CUL5: variants seen among roughly 807,000 people sequenced by gnomAD.
CUL5 encodes cullin 5, also known as cullin-5.
Under a neutral mutation model 108.8 loss-of-function variants are expected in CUL5, and 26 were observed. The observed-to-expected ratio is 0.24, with a 90% CI of 0.18 to 0.33. The LOEUF is 0.33. Among genes scored for constraint, CUL5 ranks in the 10% least tolerant of loss-of-function variants. The pLI is 1.00. For synonymous variants in CUL5, 334 were observed against 298.0 expected (o/e 1.12, Z -1.25); for missense variants, 524 against 909.2 (o/e 0.58, Z 5.45).
chr11:108,011,175 G>C (rs7118566), intron 1 of CUL5, among the ~76,000 whole-genome samples: 148,590 of 152,306 alleles, frequency 0.98, 72,561 homozygotes, highest in Middle Eastern at 1. Context: ...TTTTTCTCCC[G>C]AAAAATAACT....
chr11:108,021,458 A>C (rs548809495), intron 1 of CUL5, among the ~76,000 whole-genome samples: 1 of 152,212 alleles, frequency 6.6e-6, no homozygotes, highest in African/African-American at 2.4e-5. Context: ...ATAATAACAA[A>C]TTCTTTGTTT....
intron 11 of CUL5, among the ~76,000 whole-genome samples, chr11:108,083,648 G>A (rs1225010241): frequency 6.6e-6 from 1 of 152,146 alleles, no homozygotes; most frequent in African/African-American, 2.4e-5. Context: ...AAAATTAGAC[G>A]AGCATGATGG....
intron 1 of CUL5, among the ~76,000 whole-genome samples, chr11:108,030,753 T>A (rs574814343): frequency 2.4e-4 from 37 of 152,250 alleles, no homozygotes; most frequent in Non-Finnish European, 5.3e-4. Context: ...TATAAGAGTA[T>A]GATGTTAATT....
chr11:108,094,575 A>G, intron 14 of CUL5, 61 bp downstream of exon 14: 1 of 1,060,664 alleles, frequency 9.4e-7, no homozygotes, highest in Non-Finnish European at 1.3e-6. Flanking sequence ...TTTGTTTTCC[A>G]GTAAATTAAA....
rs570377186 is a variant in CUL5, at chr11:108,056,579, T to C, written c.780+1624T>C. On this transcript the variant is annotated intron_variant, in intron 7 of 18. Coordinates refer to ENST00000393094, the MANE Select transcript of CUL5 (RefSeq NM_003478.6). ...TTTATAGAAGTTCTTTATAGTGATA[T>C]AAATTCAGGTTTGGGCTACATTCAG... Among the ~76,000 whole-genome samples the C allele has an allele frequency of 4.6e-5, 7 of 152,296 alleles. No homozygotes were observed. In the East Asian group the frequency reaches 5.8e-4, roughly 13 times the overall value.
chr11:108,054,443 G>A (rs1863322314), intron 5 of CUL5, among the ~76,000 whole-genome samples: 1 of 152,092 alleles, frequency 6.6e-6, no homozygotes, highest in South Asian at 2.1e-4. Flanking sequence ...TATATTATCT[G>A]TATTATTTAT....
At chr11:108,057,160 T>TA (rs1863401925) in intron 7 of CUL5, among the ~76,000 whole-genome samples, 1 of 152,030 alleles carries the variant, frequency 6.6e-6, no homozygotes, top group African/African-American at 2.4e-5. Context: ...AAGTCCAGAG[T>TA]AGCTGGGACT....
intron 11 of CUL5, among the ~76,000 whole-genome samples, chr11:108,086,104 G>A (rs1384730819): frequency 6.6e-6 from 1 of 151,944 alleles, no homozygotes; most frequent in Non-Finnish European, 1.5e-5. Context: ...TAGAAAAGAG[G>A]GTATTAACCA....
chr11:108,084,354 A>C (rs1232334751), intron 11 of CUL5, among the ~76,000 whole-genome samples: 4 of 152,224 alleles, frequency 2.6e-5, no homozygotes, highest in African/African-American at 7.2e-5. Context: ...CCCTAAGGAG[A>C]CGCAGCAGCT....
chr11:108,061,852 C>T (rs552783501), intron 7 of CUL5, among the ~76,000 whole-genome samples: 15 of 152,036 alleles, frequency 9.9e-5, no homozygotes, highest in Non-Finnish European at 1.3e-4. Flanking sequence ...AAAATCATGG[C>T]AGAAGGCAAA....
In CUL5 at chr11:108,054,792, T is replaced by C. The variant is rs1863330665; in HGVS notation, c.699T>C (p.Tyr233=). 2 of 1,606,416 alleles carry C rather than the reference T, an allele frequency of 1.2e-6. No homozygotes were observed. Among genetic ancestry groups the C allele is most frequent in the South Asian group, 1.1e-5 (1 of 89,154 alleles). ...QQNGVQNYMK[Y]ADAKLKEEEK... ...ATGGTGTACAGAATTATATGAAATA[T>C]GTAAGTTAGAACTTAGTATATGTGA... is the stretch of plus-strand genomic sequence containing the variant. The change falls in exon 6 of 19, where the codon TAT becomes TAC. Residue 233 remains tyrosine, a splice_region_variant and synonymous_variant. Transcript: ENST00000393094.
intron 2 of CUL5, among the ~76,000 whole-genome samples, chr11:108,045,198 C>A (rs1382050988): frequency 6.6e-6 from 1 of 152,068 alleles, no homozygotes; most frequent in East Asian, 1.9e-4. Flanking sequence ...TTTATGATAG[C>A]TTTTGTTTTT....
intron 4 of CUL5, among the ~76,000 whole-genome samples, chr11:108,050,582 C>T (rs534866380): frequency 4.6e-5 from 7 of 152,058 alleles, no homozygotes; most frequent in Admixed American, 1.3e-4. Context: ...TGGCCAGGCT[C>T]GTCTCGAACT....
At chr11:108,030,234 A>T (rs1862545414) in intron 1 of CUL5, among the ~76,000 whole-genome samples, 1 of 152,272 alleles carries the variant, frequency 6.6e-6, no homozygotes, top group Non-Finnish European at 1.5e-5. Flanking sequence ...GAAGTTACTT[A>T]CGTGATTCAT....
chr11:108,064,524 A>G (rs954087435), intron 7 of CUL5, among the ~76,000 whole-genome samples: 1 of 152,158 alleles, frequency 6.6e-6, no homozygotes, highest in African/African-American at 2.4e-5. Context: ...CCTGGCCAAC[A>G]TGGTGAAACC....
chr11:108,049,872 T>C lies in CUL5; in HGVS notation c.235-18T>C, dbSNP rs746159946. 24 of 1,591,956 alleles carry C rather than the reference T, an allele frequency of 1.5e-5. No homozygotes were observed. In the South Asian group the frequency reaches 2.7e-4, roughly 18 times the overall value. ...AGCAACTGCATTTATTTCAAATTGGTACACCTCTTTTTTTCAGCGAGTACT... is the reference window on the plus strand; with the variant it reads ...AGCAACTGCATTTATTTCAAATTGGCACACCTCTTTTTTTCAGCGAGTACT... On this transcript the variant is annotated intron_variant, in intron 3 of 18. Coordinates refer to ENST00000393094, the MANE Select transcript of CUL5 (RefSeq NM_003478.6).
intron 7 of CUL5, among the ~76,000 whole-genome samples, chr11:108,062,542 A>G (rs1325426999): frequency 6.7e-6 from 1 of 148,418 alleles, no homozygotes; most frequent in Admixed American, 6.7e-5. Context: ...TTATAAATAT[A>G]TAAAATTATA....
At chr11:108,085,609 T>TA (rs1311433666) in intron 11 of CUL5, among the ~76,000 whole-genome samples, 3 of 152,174 alleles carry the variant, frequency 2.0e-5, no homozygotes, top group African/African-American at 7.2e-5. Context: ...AGATATGTGT[T>TA]AAAAAAGGAA....
intron 12 of CUL5, among the ~76,000 whole-genome samples, chr11:108,088,900 ATTAAG>A (rs1398673812): frequency 2.6e-5 from 4 of 152,248 alleles, no homozygotes; most frequent in Admixed American, 2.6e-4. Flanking sequence ...ATTTTTAGGA[ATTAAG>A]TTCTAGCTAC....
Sources: gnomAD v4.1 joint callset for allele counts (sites outside exome capture counted in the v4.1 genomes callset) on GRCh38, gnomAD v4.1.1 for gene constraint, MANE v1.5 for transcripts, NCBI Gene and HGNC (gene_info 2026-07-23, HGNC 2026-07-21) for gene names.